LARGE1: variants seen among roughly 807,000 people sequenced by gnomAD.
LARGE1 encodes LARGE xylosyl- and glucuronyltransferase 1.
A neutral mutation model predicts 87.6 loss-of-function variants in LARGE1; 43 were observed. The observed-to-expected ratio is 0.49, with a 90% CI of 0.38 to 0.63. The LOEUF (loss-of-function observed/expected upper bound fraction) is 0.63, where lower values mean the gene tolerates loss of function less well. Ranked by LOEUF, LARGE1 falls within the 30% of genes least tolerant of loss-of-function variation. The pLI, the probability that LARGE1 is intolerant of heterozygous loss-of-function variation, is 0.00. For synonymous variants in LARGE1, 434 were observed against 394.6 expected, an observed-to-expected ratio of 1.10 and a Z score of -1.18; for missense variants, 802 against 1,000.2, an observed-to-expected ratio of 0.80 and a Z score of 2.67.
intron 5 of LARGE1, among the ~76,000 whole-genome samples, chr22:33,574,300 T>C (rs1440671414): frequency 6.6e-6 from 1 of 152,178 alleles, no homozygotes; most frequent in East Asian, 1.9e-4. Context: ...CTATTGCATA[T>C]AACCTATGCA....
intron 11 of LARGE1, among the ~76,000 whole-genome samples, chr22:33,229,946 T>TA (rs1236916733): frequency 1.4e-5 from 2 of 143,266 alleles, no homozygotes; most frequent in Non-Finnish European, 3.0e-5. Context: ...CAGAGTCTCA[T>TA]AAAAAACAAT....
chr22:33,334,178 C>T (rs187546996), intron 10 of LARGE1, among the ~76,000 whole-genome samples: 34 of 151,298 alleles, frequency 2.2e-4, no homozygotes, highest in African/African-American at 7.0e-4. Context: ...TTTGGGAGGC[C>T]GAGGCAGGTG....
chr22:33,159,368 T>A (rs1921951936), downstream of LARGE1, among the ~76,000 whole-genome samples: 1 of 152,242 alleles, frequency 6.6e-6, no homozygotes, highest in Non-Finnish European at 1.5e-5. Context: ...CACATATATA[T>A]TCATTTATTA....
chr22:33,540,338 C>G (rs1602325592), intron 6 of LARGE1, among the ~76,000 whole-genome samples: 1 of 152,200 alleles, frequency 6.6e-6, no homozygotes, highest in Non-Finnish European at 1.5e-5. Flanking sequence ...TTGGAGTTGA[C>G]TAAGTGCCAA....
chr22:33,629,791 G>A (rs1383295091), intron 3 of LARGE1, among the ~76,000 whole-genome samples: 1 of 152,212 alleles, frequency 6.6e-6, no homozygotes, highest in African/African-American at 2.4e-5. Context: ...TCCTATCAAA[G>A]GGTGGGGTCT....
intron 13 of LARGE1, among the ~76,000 whole-genome samples, chr22:33,280,599 A>G (rs898823766): frequency 1.1e-4 from 17 of 152,198 alleles, no homozygotes; most frequent in African/African-American, 3.9e-4. Flanking sequence ...TAGCCTGGAC[A>G]CTGGCAGCTT....
rs1482843930 is a variant in LARGE1, at chr22:33,273,822, A to G, written c.*605T>C. 2 of 394,604 alleles carry G rather than the reference A, an allele frequency of 5.1e-6. No individual in the cohort carries two copies. Among genetic ancestry groups the G allele is most frequent in the Non-Finnish European group, 8.9e-6 (2 of 224,478 alleles). The allele number at this position is 394,604 out of a possible 1,614,324, so 24.4% of individuals were successfully genotyped here. A position where few individuals can be genotyped will look rare whatever the true frequency, so the allele number is the denominator to read the frequency against. On this transcript the variant is annotated 3_prime_UTR_variant, in exon 15 of 15. Coordinates refer to ENST00000397394, the MANE Select transcript of LARGE1 (RefSeq NM_133642.5). Reference sequence around the variant, plus strand: ...CAAAACCCCCAAAGAAAAACAAAACAAAACAGGAGTGACTTTGGGGATAAG... The same window carrying G: ...CAAAACCCCCAAAGAAAAACAAAACGAAACAGGAGTGACTTTGGGGATAAG...
chr22:33,383,049 C>T (rs1259907514), intron 8 of LARGE1, among the ~76,000 whole-genome samples: 2 of 152,144 alleles, frequency 1.3e-5, no homozygotes, highest in Non-Finnish European at 2.9e-5. Context: ...CAGGAAATTG[C>T]ACTTTGAACA....
intron 6 of LARGE1, among the ~76,000 whole-genome samples, chr22:33,535,290 T>TC (rs1475655157): frequency 2.6e-5 from 4 of 152,172 alleles, no homozygotes; most frequent in African/African-American, 9.6e-5. Context: ...ATGCCTGTAA[T>TC]CCCAGCACTT....
chr22:33,481,564 C>T (rs1019752290), intron 6 of LARGE1, among the ~76,000 whole-genome samples: 2 of 151,950 alleles, frequency 1.3e-5, no homozygotes, highest in Non-Finnish European at 2.9e-5. Context: ...TTTCATTTGT[C>T]TTCTTGTCAA....
intron 5 of LARGE1, among the ~76,000 whole-genome samples, chr22:33,565,423 G>A (rs151134321): frequency 2.6e-5 from 4 of 152,302 alleles, no homozygotes; most frequent in East Asian, 1.9e-4. Context: ...TCCTATGTAC[G>A]TATATTTCTT....
chr22:33,713,379 CCT>C (rs1396301927), intron 2 of LARGE1, among the ~76,000 whole-genome samples: 2 of 152,170 alleles, frequency 1.3e-5, no homozygotes, highest in African/African-American at 4.8e-5. Flanking sequence ...AGGAATCCCC[CCT>C]GCTATTCCAC....
downstream of LARGE1, among the ~76,000 whole-genome samples, chr22:33,267,888 G>C (rs1328065606): frequency 1.3e-5 from 2 of 151,506 alleles, no homozygotes; most frequent in African/African-American, 4.9e-5. Flanking sequence ...TCTTTGGGGA[G>C]GGTGAAGATT....
At chr22:33,794,155 C>T (rs1016289869) in intron 1 of LARGE1, among the ~76,000 whole-genome samples, 1 of 152,134 alleles carries the variant, frequency 6.6e-6, no homozygotes, top group African/African-American at 2.4e-5. Context: ...AAGTCTGCGA[C>T]GTATGTAGTT....
intron 12 of LARGE1, among the ~76,000 whole-genome samples, chr22:33,302,870 C>T (rs1934356673): frequency 6.6e-6 from 1 of 152,102 alleles, no homozygotes; most frequent in Admixed American, 6.5e-5. Context: ...ACTCTTCCTT[C>T]CTGTAGAATG....
intron 6 of LARGE1, among the ~76,000 whole-genome samples, chr22:33,518,886 A>C (rs548685361): frequency 6.6e-5 from 10 of 152,214 alleles, no homozygotes; most frequent in African/African-American, 2.4e-4. Flanking sequence ...TCATGTGTAC[A>C]TATATCCAGG....
the LARGE1 span, among the ~76,000 whole-genome samples, chr22:33,101,164 T>A: frequency 6.6e-6 from 1 of 152,138 alleles, no homozygotes; most frequent in Non-Finnish European, 1.5e-5. Context: ...TTCTTTCACA[T>A]CCATTCGTGG....
chr22:33,473,088 C>T lies in LARGE1; in HGVS notation c.788-40823G>A, dbSNP rs112318214. ...AAAGTTCCAGGCAAATGAGGATGAGCGAGCCACTCTACTGAGTATTAACAT... is the reference window on the plus strand; with the variant it reads ...AAAGTTCCAGGCAAATGAGGATGAGTGAGCCACTCTACTGAGTATTAACAT... On this transcript the variant is annotated intron_variant, in intron 6 of 14. Transcript: ENST00000397394. Among the ~76,000 whole-genome samples, 1,448 of 151,436 alleles carry T rather than the reference C, an allele frequency of 9.6e-3. 14 individuals are homozygous for T. The highest frequency in any genetic ancestry group is 0.034 in the African/African-American group (1,391 of 41,466).
chr22:33,362,144 C>CA (rs1458597600), intron 9 of LARGE1, among the ~76,000 whole-genome samples: 1 of 149,150 alleles, frequency 6.7e-6, no homozygotes, highest in Non-Finnish European at 1.5e-5. Flanking sequence ...TTGGGCCCTT[C>CA]CCTTCTCTTT....
Sources: gnomAD v4.1 joint callset for allele counts (sites outside exome capture counted in the v4.1 genomes callset) on GRCh38, gnomAD v4.1.1 for gene constraint, MANE v1.5 for transcripts, NCBI Gene and HGNC (gene_info 2026-07-23, HGNC 2026-07-21) for gene names.